Variants in STPG2 observed in about 807,000 individuals in gnomAD.
The protein encoded by STPG2 is sperm-tail PG-rich repeat-containing protein 2.
STPG2 carries 56 observed loss-of-function variants against 54.2 expected under a neutral mutation model. The observed-to-expected ratio is 1.03, with a 90% CI of 0.83 to 1.29. The LOEUF (loss-of-function observed/expected upper bound fraction) is 1.29, where lower values mean the gene tolerates loss of function less well. STPG2 is among the 50% of genes most tolerant of loss of function. The probability of loss-of-function intolerance (pLI) is 0.00; values close to 1 mark genes in which losing one functional copy is unlikely to be tolerated. For missense variants in STPG2, 596 were observed against 544.9 expected (o/e 1.09, Z -0.93); for synonymous variants, 200 against 181.8 (o/e 1.10, Z -0.81).
At chr4:97,863,349 G>T (rs569546948) in intron 8 of STPG2, among the ~76,000 whole-genome samples, 3 of 152,288 alleles carry the variant, frequency 2.0e-5, no homozygotes, top group South Asian at 4.1e-4. Context: ...AAATCTAGAA[G>T]AAATGGATAA....
At chr4:98,127,673 C>T (rs1197763445) in intron 3 of STPG2, among the ~76,000 whole-genome samples, 2 of 152,162 alleles carry the variant, frequency 1.3e-5, no homozygotes, top group African/African-American at 2.4e-5. Context: ...TAAAATCAGA[C>T]ATACCATCTA....
At chr4:97,862,227 C>T (rs1333073807) in intron 8 of STPG2, among the ~76,000 whole-genome samples, 1 of 149,992 alleles carries the variant, frequency 6.7e-6, no homozygotes, top group African/African-American at 2.5e-5. Flanking sequence ...CACACATAGG[C>T]TCAAAATAAA....
chr4:97,508,163 G>A (rs1335322485), intron 4 of STPG2, among the ~76,000 whole-genome samples: 2 of 151,972 alleles, frequency 1.3e-5, no homozygotes, highest in Non-Finnish European at 2.9e-5. Context: ...TCTTTATTAT[G>A]CCATAGTAAC....
At chr4:97,656,816 T>C (rs1006635353) in intron 10 of STPG2, among the ~76,000 whole-genome samples, 2 of 152,030 alleles carry the variant, frequency 1.3e-5, no homozygotes, top group Admixed American at 6.6e-5. Flanking sequence ...ATAGATTTCA[T>C]TAAATTTGTA....
At chr4:97,898,512 C>T (rs931241667) in intron 8 of STPG2, among the ~76,000 whole-genome samples, 1 of 151,460 alleles carries the variant, frequency 6.6e-6, no homozygotes, top group African/African-American at 2.4e-5. Context: ...GTATAAATGT[C>T]AAAGGTATGT....
At chr4:97,950,423 T>A (rs1733422274) in intron 7 of STPG2, among the ~76,000 whole-genome samples, 1 of 152,216 alleles carries the variant, frequency 6.6e-6, no homozygotes, top group African/African-American at 2.4e-5. Context: ...ATTCCCTAAA[T>A]GTGTCTTTCA....
chr4:98,135,962 G>A (rs912183515), intron 1 of STPG2, among the ~76,000 whole-genome samples: 21 of 151,530 alleles, frequency 1.4e-4, no homozygotes, highest in African/African-American at 4.6e-4. Context: ...ACCAGAGAGT[G>A]TACTTTCAAG....
intron 10 of STPG2, among the ~76,000 whole-genome samples, chr4:97,565,714 C>T (rs1383666857): frequency 6.6e-6 from 1 of 152,178 alleles, no homozygotes; most frequent in Admixed American, 6.5e-5. Context: ...ACCCTGTTTG[C>T]CTGGGTACCA....
At chr4:97,879,115 T>A (rs973000057) in intron 8 of STPG2, among the ~76,000 whole-genome samples, 2 of 152,156 alleles carry the variant, frequency 1.3e-5, no homozygotes, top group African/African-American at 4.8e-5. Flanking sequence ...TGAGACCTTT[T>A]CAGCCTGCAT....
chr4:97,922,662 T>A (rs561006821), intron 8 of STPG2, among the ~76,000 whole-genome samples: 11 of 152,196 alleles, frequency 7.2e-5, no homozygotes, highest in Non-Finnish European at 1.5e-4. Context: ...GCAAACCATA[T>A]TTATGCTTTG....
At chr4:97,959,107 T>A (rs1481337013) in intron 7 of STPG2, among the ~76,000 whole-genome samples, 1 of 152,042 alleles carries the variant, frequency 6.6e-6, no homozygotes, top group Non-Finnish European at 1.5e-5. Context: ...AATTAAATAA[T>A]ATGCTCCTGA....
intron 9 of STPG2, among the ~76,000 whole-genome samples, chr4:97,757,444 A>C (rs1046385196): frequency 6.6e-6 from 1 of 152,216 alleles, no homozygotes; most frequent in African/African-American, 2.4e-5. Flanking sequence ...TCTCAAGTGC[A>C]ATATGGTCTT....
intron 10 of STPG2, among the ~76,000 whole-genome samples, chr4:97,650,927 G>A (rs918966986): frequency 2.6e-5 from 4 of 151,862 alleles, no homozygotes; most frequent in Middle Eastern, 3.2e-3. Flanking sequence ...CGATATATAG[G>A]GTTAAATAAA....
chr4:97,876,364 T>G (rs1730170767), intron 8 of STPG2, among the ~76,000 whole-genome samples: 1 of 152,110 alleles, frequency 6.6e-6, no homozygotes, highest in Non-Finnish European at 1.5e-5. Context: ...TGCTCAAATG[T>G]GCAAATTCAG....
At position 97,792,660 on chromosome 4, in the gene STPG2, CAAGTCATACAATAT is replaced by C. The variant is rs879832542; in HGVS notation, c.1204+48099_1204+48112del. On this transcript the variant is annotated intron_variant, in intron 9 of 10. Coordinates refer to ENST00000295268, the MANE Select transcript of STPG2 (RefSeq NM_174952.3). ...CATCCCACTGTGAAGCAAGGCCTAC[CAAGTCATACAATAT>C]CTAGATATACATTACATGTCTAGGC... Among the ~76,000 whole-genome samples, 375 of 152,202 alleles carry C rather than the reference CAAGTCATACAATAT, an allele frequency of 2.5e-3. 3 individuals carry two copies. In the East Asian group the frequency reaches 0.032, roughly 13 times the overall value.
chr4:97,583,749 C>T (rs922085794), intron 10 of STPG2, among the ~76,000 whole-genome samples: 4 of 151,770 alleles, frequency 2.6e-5, no homozygotes, highest in Admixed American at 2.0e-4. Context: ...ATTAAACAGA[C>T]ATTAAAGCAA....
At chr4:97,479,762 C>A (rs1730172010) in intron 4 of STPG2, among the ~76,000 whole-genome samples, 1 of 151,792 alleles carries the variant, frequency 6.6e-6, no homozygotes, top group Non-Finnish European at 1.5e-5. Context: ...CTCTTTTATT[C>A]AACTCCTAGA....
intron 4 of STPG2, among the ~76,000 whole-genome samples, chr4:97,533,567 T>G (rs1731463029): frequency 6.6e-6 from 1 of 152,164 alleles, no homozygotes; most frequent in Non-Finnish European, 1.5e-5. Flanking sequence ...TCATACTCCT[T>G]TGCAGTCTGT....
intron 10 of STPG2, among the ~76,000 whole-genome samples, chr4:97,613,946 G>C (rs1733795826): frequency 6.6e-6 from 1 of 151,672 alleles, no homozygotes; most frequent in South Asian, 2.1e-4. Flanking sequence ...ATAAGATCTG[G>C]GTCAAGCCTA....
Sources: allele counts gnomAD v4.1 joint callset (sites outside exome capture counted in the v4.1 genomes callset), GRCh38; gene constraint gnomAD v4.1.1; transcripts MANE v1.5; gene names NCBI Gene and HGNC (gene_info 2026-07-23, HGNC 2026-07-21).